The following BRINP3 variants were observed in gnomAD, a reference collection of about 807,000 sequenced individuals.
BRINP3 encodes BMP/retinoic acid-inducible neural-specific protein 3.
In BRINP3, 19 loss-of-function variants were observed where a neutral mutation model predicts 71.0. The ratio of observed to expected loss-of-function variants is 0.27; its 90% CI spans 0.19 to 0.39. The LOEUF (loss-of-function observed/expected upper bound fraction) is 0.39, where lower values mean the gene tolerates loss of function less well. BRINP3 is among the 10% of genes least tolerant of loss of function. The pLI, the probability that BRINP3 is intolerant of heterozygous loss-of-function variation, is 1.00. For synonymous variants in BRINP3, 380 were observed against 337.7 expected (o/e 1.13, Z -1.37); for missense variants, 959 against 940.8 (o/e 1.02, Z -0.25).
At chr1:190,170,254 A>T (rs1651897173) in intron 6 of BRINP3, among the ~76,000 whole-genome samples, 1 of 152,130 alleles carries the variant, frequency 6.6e-6, no homozygotes, top group Admixed American at 6.6e-5. Context: ...ATGAGAGAAA[A>T]AAAATAGGAA....
At chr1:190,289,146 A>AT (rs1663662012) in intron 2 of BRINP3, among the ~76,000 whole-genome samples, 1 of 152,030 alleles carries the variant, frequency 6.6e-6, no homozygotes, top group East Asian at 1.9e-4. Flanking sequence ...AAAATGAAGG[A>AT]TTTTTTAAAG....
At chr1:190,359,215 A>T (rs1668964609) in intron 2 of BRINP3, among the ~76,000 whole-genome samples, 1 of 152,010 alleles carries the variant, frequency 6.6e-6, no homozygotes, top group Admixed American at 6.6e-5. Context: ...ACAAACAAAC[A>T]AAAAAGAATT....
intron 7 of BRINP3, among the ~76,000 whole-genome samples, chr1:190,145,269 T>C (rs1655788822): frequency 6.6e-6 from 1 of 152,156 alleles, no homozygotes; most frequent in African/African-American, 2.4e-5. Context: ...AAGTTCTCAG[T>C]AACTTTAACT....
At chr1:190,252,013 T>C (rs556991038) in intron 4 of BRINP3, among the ~76,000 whole-genome samples, 17 of 152,194 alleles carry the variant, frequency 1.1e-4, no homozygotes, top group Middle Eastern at 3.4e-3. Flanking sequence ...CACAAGTCTC[T>C]CTACTAAAGA....
At chr1:190,241,421 TAAC>T (rs1659082207) in intron 4 of BRINP3, among the ~76,000 whole-genome samples, 1 of 152,066 alleles carries the variant, frequency 6.6e-6, no homozygotes, top group African/African-American at 2.4e-5. Context: ...GCTTTATAGT[TAAC>T]AAGTTTTGGA....
intron 7 of BRINP3, among the ~76,000 whole-genome samples, chr1:190,138,361 ATG>A (rs1453618368): frequency 6.6e-6 from 1 of 152,178 alleles, no homozygotes; most frequent in Admixed American, 6.6e-5. Flanking sequence ...TGAGTTACAC[ATG>A]ATTTGAGGTG....
At chr1:190,100,434 ATAGC>A (rs1479196606) in intron 7 of BRINP3, among the ~76,000 whole-genome samples, 3 of 152,114 alleles carry the variant, frequency 2.0e-5, no homozygotes, top group African/African-American at 7.2e-5. Context: ...GTTTTCTTTC[ATAGC>A]TACATAACCT....
chr1:190,172,105 T>C (rs927847133), intron 6 of BRINP3, among the ~76,000 whole-genome samples: 9 of 149,680 alleles, frequency 6.0e-5, no homozygotes, highest in Middle Eastern at 3.2e-3. Flanking sequence ...ATATCAAAAA[T>C]AAATTTAAAA....
At chr1:190,446,058 C>A (rs888053449) in intron 2 of BRINP3, among the ~76,000 whole-genome samples, 1 of 151,960 alleles carries the variant, frequency 6.6e-6, no homozygotes, top group East Asian at 1.9e-4. Context: ...ATACACAATT[C>A]TCATTAAGAA....
chr1:190,236,377 G>A (rs969917123), intron 4 of BRINP3, among the ~76,000 whole-genome samples: 2 of 151,946 alleles, frequency 1.3e-5, no homozygotes, highest in African/African-American at 4.8e-5. Context: ...TTATGTCTTA[G>A]AAGTTATGTC....
At chr1:190,475,797 G>A (rs773187178) in intron 1 of BRINP3, 7 of 151,842 alleles carry the variant, frequency 4.6e-5, no homozygotes, top group Non-Finnish European at 1.0e-4. Context: ...CTGACTGTCT[G>A]TTCCTTACTG....
intron 7 of BRINP3, among the ~76,000 whole-genome samples, chr1:190,112,453 T>C (rs1652775831): frequency 6.6e-6 from 1 of 152,182 alleles, no homozygotes; most frequent in African/African-American, 2.4e-5. Flanking sequence ...ATATTATGAA[T>C]TCCTTGACCA....
At chr1:190,401,376 C>CAAAAAA (rs762938571) in intron 2 of BRINP3, among the ~76,000 whole-genome samples, 170 of 88,954 alleles carry the variant, frequency 1.9e-3, no homozygotes, top group Non-Finnish European at 2.2e-3. Flanking sequence ...CATCTCAAAA[C>CAAAAAA]AAAAAAAAAA....
intron 6 of BRINP3, among the ~76,000 whole-genome samples, chr1:190,196,131 C>T (rs1359273417): frequency 1.3e-5 from 2 of 152,142 alleles, no homozygotes; most frequent in East Asian, 3.9e-4. Flanking sequence ...ATAAAGCAGA[C>T]ATTGCCATCA....
At chr1:190,187,090 C>T (rs925572351) in intron 6 of BRINP3, among the ~76,000 whole-genome samples, 4 of 152,070 alleles carry the variant, frequency 2.6e-5, no homozygotes, top group Non-Finnish European at 5.9e-5. Context: ...GGGTGAAGTA[C>T]TATTATATAT....
chr1:190,125,595 AC>A lies in BRINP3; in HGVS notation c.1185-26462del, dbSNP rs1167454095. 7.9e-5 allele frequency among the ~76,000 whole-genome samples: 12 copies of A among 152,010 alleles called. No individual in the cohort carries two copies. The Admixed American group carries it at 7.9e-4, about 10-fold the overall frequency. ...ATTTGATTATCTTAAAGAAATTTCT[AC>A]ACTTCCAGAAATGAATCTAACACTT... On this transcript the variant is annotated intron_variant, in intron 7 of 7. Transcript: ENST00000367462.
At chr1:190,475,988 G>C in intron 1 of BRINP3, 1 of 152,642 alleles carries the variant, frequency 6.6e-6, no homozygotes, top group East Asian at 1.9e-4. Context: ...CGACCGGACT[G>C]GGAAAGAGAC....
intron 6 of BRINP3, among the ~76,000 whole-genome samples, chr1:190,193,947 A>G (rs941499995): frequency 6.6e-6 from 1 of 152,098 alleles, no homozygotes; most frequent in South Asian, 2.1e-4. Flanking sequence ...CCCCTAAATT[A>G]TCCTCCGGTA....
At chr1:190,254,391 C>A (rs1660452109) in intron 4 of BRINP3, among the ~76,000 whole-genome samples, 1 of 151,398 alleles carries the variant, frequency 6.6e-6, no homozygotes, top group Non-Finnish European at 1.5e-5. Context: ...GATATTGATT[C>A]TTCCTATCCA....
Sources: allele counts gnomAD v4.1 joint callset (sites outside exome capture counted in the v4.1 genomes callset), GRCh38; gene constraint gnomAD v4.1.1; transcripts MANE v1.5; gene names NCBI Gene and HGNC (gene_info 2026-07-23, HGNC 2026-07-21).